Variants in CDH12 observed in about 807,000 individuals in gnomAD.
CDH12 encodes the protein cadherin 12, also known as cadherin-12.
Under a neutral mutation model 74.1 loss-of-function variants are expected in CDH12, and 41 were observed. The observed-to-expected ratio is 0.55, with a 90% CI of 0.43 to 0.72. The LOEUF (loss-of-function observed/expected upper bound fraction) is 0.72. Among genes scored for constraint, CDH12 ranks in the 30% least tolerant of loss-of-function variants. The pLI is 0.00. For missense variants in CDH12, 945 were observed against 977.2 expected, an observed-to-expected ratio of 0.97 and a Z score of 0.44; for synonymous variants, 399 against 355.0, an observed-to-expected ratio of 1.12 and a Z score of -1.39.
intron 4 of CDH12, among the ~76,000 whole-genome samples, chr5:22,191,996 C>T (rs1750337692): frequency 6.6e-6 from 1 of 152,136 alleles, no homozygotes; most frequent in Non-Finnish European, 1.5e-5. Flanking sequence ...AGTGCAGTGG[C>T]CTGATCTTGG....
At chr5:21,949,805 AAG>A (rs1211880441) in intron 6 of CDH12, among the ~76,000 whole-genome samples, 1 of 152,238 alleles carries the variant, frequency 6.6e-6, no homozygotes, top group Non-Finnish European at 1.5e-5. Context: ...GTTATTACAA[AAG>A]AGTCAAAAAG....
intron 10 of CDH12, among the ~76,000 whole-genome samples, chr5:21,797,679 CA>C (rs1300197739): frequency 4.6e-5 from 7 of 152,118 alleles, no homozygotes; most frequent in Non-Finnish European, 8.8e-5. Flanking sequence ...ATAAAATGTA[CA>C]AAATAAAAAA....
intron 6 of CDH12, among the ~76,000 whole-genome samples, chr5:21,930,800 TATA>T (rs1173745792): frequency 1.3e-5 from 2 of 152,198 alleles, no homozygotes; most frequent in Admixed American, 6.5e-5. Context: ...AACAACTTCG[TATA>T]ATAAGAACAT....
intron 3 of CDH12, among the ~76,000 whole-genome samples, chr5:22,298,246 G>C (rs1455946383): frequency 1.3e-5 from 2 of 151,310 alleles, no homozygotes; most frequent in Non-Finnish European, 2.9e-5. Flanking sequence ...ATATATTCAT[G>C]TGTATGTGTG....
Position 22,078,577 on chromosome 5 carries a change from C to T in CDH12, c.100G>A (p.Glu34Lys), listed in dbSNP as rs117878510. The change falls in exon 5 of 15, where the codon GAG becomes AAG. Residue 34 changes from glutamate (E) to lysine (K), a missense_variant. Physicochemically the swap from Glu to Lys is moderately conservative, Grantham distance 56. This residue lies in a region of CDH12 where 148 missense variants were observed against 162.8 expected (regional missense o/e 0.91). Transcript: ENST00000382254. ...AGATGGATAACATTTTCTCTTGGCT[C>T]TGTGGCTAAAGTCTGCTGTGGCTGT... is the stretch of plus-strand genomic sequence containing the variant. ...QPQPQQTLAT[E>K]PRENVIHLPG... is the part of the protein sequence containing the mutation. 1 of 1,613,960 alleles carries T rather than the reference C, an allele frequency of 6.2e-7. No homozygotes were observed. The highest frequency in any genetic ancestry group is 8.5e-7 in the Non-Finnish European group (1 of 1,179,888).
chr5:22,257,161 G>T (rs956011023), intron 3 of CDH12, among the ~76,000 whole-genome samples: 5 of 152,034 alleles, frequency 3.3e-5, no homozygotes, highest in Admixed American at 3.3e-4. Context: ...AATCCACACT[G>T]GGGCCTTTCA....
chr5:22,256,082 T>C (rs533324252), intron 3 of CDH12, among the ~76,000 whole-genome samples: 3 of 152,304 alleles, frequency 2.0e-5, no homozygotes, highest in Admixed American at 6.5e-5. Flanking sequence ...GAAACTGAGA[T>C]GCATATTTGC....
intron 1 of CDH12, among the ~76,000 whole-genome samples, chr5:22,843,206 C>G (rs377498452): frequency 6.6e-6 from 1 of 151,938 alleles, no homozygotes; most frequent in Non-Finnish European, 1.5e-5. Context: ...CTCTGTGAAT[C>G]CACAATACTG....
intron 5 of CDH12, among the ~76,000 whole-genome samples, chr5:21,979,128 A>T (rs1757197513): frequency 6.6e-6 from 1 of 152,206 alleles, no homozygotes; most frequent in South Asian, 2.1e-4. Context: ...ATTCCACAAA[A>T]ATAATTTCTT....
At chr5:21,805,752 A>T (rs962671841) in intron 9 of CDH12, among the ~76,000 whole-genome samples, 1 of 152,180 alleles carries the variant, frequency 6.6e-6, no homozygotes. Context: ...TAAAAATCCC[A>T]GCATTTGAAA....
chr5:21,841,079 A>C (rs1043830126), intron 8 of CDH12, among the ~76,000 whole-genome samples: 232 of 152,212 alleles, frequency 1.5e-3, no homozygotes, highest in African/African-American at 5.4e-3. Flanking sequence ...CAACCCACAA[A>C]ATGGGAGAAA....
intron 1 of CDH12, among the ~76,000 whole-genome samples, chr5:22,665,252 C>T (rs773387211): frequency 1.3e-5 from 2 of 152,178 alleles, no homozygotes; most frequent in East Asian, 1.9e-4. Context: ...AAAGAGGATG[C>T]CTTTGTATGT....
At chr5:22,810,890 AAAAC>A (rs1408853401) in intron 1 of CDH12, among the ~76,000 whole-genome samples, 1 of 150,970 alleles carries the variant, frequency 6.6e-6, no homozygotes, top group African/African-American at 2.4e-5. Context: ...TCAAAAAACA[AAAAC>A]AAACAAATAT....
intron 6 of CDH12, among the ~76,000 whole-genome samples, chr5:21,911,636 A>G (rs951115162): frequency 3.3e-5 from 5 of 152,082 alleles, no homozygotes; most frequent in Non-Finnish European, 7.4e-5. Context: ...TGAACTAAGG[A>G]TGCACGACAT....
chr5:22,643,896 T>C (rs1418110047), intron 1 of CDH12, among the ~76,000 whole-genome samples: 1 of 151,970 alleles, frequency 6.6e-6, no homozygotes, highest in Non-Finnish European at 1.5e-5. Context: ...TTCACTATGA[T>C]ATTATCTATT....
intron 1 of CDH12, among the ~76,000 whole-genome samples, chr5:22,720,841 C>T (rs1743844246): frequency 6.6e-6 from 1 of 152,134 alleles, no homozygotes; most frequent in Non-Finnish European, 1.5e-5. Context: ...TGGCATTTTG[C>T]CCTTGCTGTA....
chr5:22,315,408 T>C (rs1738590097), intron 3 of CDH12, among the ~76,000 whole-genome samples: 1 of 152,102 alleles, frequency 6.6e-6, no homozygotes, highest in Non-Finnish European at 1.5e-5. Flanking sequence ...AGGTGTCTAT[T>C]CATTTCTATA....
chr5:21,994,392 G>A (rs2963512), intron 5 of CDH12, among the ~76,000 whole-genome samples: 41,599 of 151,794 alleles, frequency 0.27, 8,670 homozygotes, highest in African/African-American at 0.59. Context: ...GTACTCATCA[G>A]TCTCTTACTC....
intron 4 of CDH12, among the ~76,000 whole-genome samples, chr5:22,115,037 G>T (rs544856252): frequency 3.3e-5 from 5 of 152,196 alleles, no homozygotes; most frequent in Non-Finnish European, 7.4e-5. Context: ...TTTACATCTT[G>T]GTTTCAGTCA....
Sources: gnomAD v4.1 joint callset for allele counts (sites outside exome capture counted in the v4.1 genomes callset) on GRCh38, gnomAD v4.1.1 for gene constraint, gnomAD v4.1.1 regional missense constraint, MANE v1.5 for transcripts, NCBI Gene and HGNC (gene_info 2026-07-23, HGNC 2026-07-21) for gene names.